Variants in STIM2 observed in about 807,000 individuals in gnomAD.
STIM2 encodes stromal interaction molecule 2.
STIM2 carries 31 observed loss-of-function variants against 85.8 expected under a neutral mutation model. The ratio of observed to expected loss-of-function variants is 0.36; its 90% CI spans 0.27 to 0.49. The LOEUF is 0.49. STIM2 is among the 20% of genes least tolerant of loss of function. The pLI is 0.98. For missense variants in STIM2, 841 were observed against 927.6 expected (o/e 0.91, Z 1.21); for synonymous variants, 356 against 331.1 (o/e 1.08, Z -0.82).
intron 1 of STIM2, among the ~76,000 whole-genome samples, chr4:26,914,483 TCA>T (rs1027158674): frequency 2.0e-5 from 3 of 152,224 alleles, no homozygotes; most frequent in African/African-American, 4.8e-5. Flanking sequence ...CTTAGTTTTG[TCA>T]CCATTGTTTA....
At chr4:26,966,809 A>G (rs1333573500) in intron 3 of STIM2, among the ~76,000 whole-genome samples, 1 of 152,114 alleles carries the variant, frequency 6.6e-6, no homozygotes, top group East Asian at 1.9e-4. Flanking sequence ...TATAATTAAA[A>G]ACCGTTTCAA....
intron 2 of STIM2, among the ~76,000 whole-genome samples, chr4:26,935,177 G>A (rs1253803588): frequency 6.6e-6 from 1 of 152,054 alleles, no homozygotes; most frequent in East Asian, 1.9e-4. Flanking sequence ...GATTTTGGAC[G>A]CCATTGATTA....
Position 26,954,422 on chromosome 4 carries a change from A to G in STIM2, c.283-3190A>G, listed in dbSNP as rs1244124903. Among the ~76,000 whole-genome samples, 17 of 127,104 alleles carry G rather than the reference A, an allele frequency of 1.3e-4. 3 individuals carry two copies. The highest frequency in any genetic ancestry group is 5.0e-5 in the Non-Finnish European group (3 of 59,538). The allele number at this position is 127,104 out of a possible 152,430, so 83.4% of individuals were successfully genotyped here. A position where few individuals can be genotyped will look rare whatever the true frequency, so the allele number is the denominator to read the frequency against. On this transcript the variant is annotated intron_variant, in intron 2 of 11. Transcript: ENST00000467087. ...TGTATTTACCAGGGAACTCTACATT[A>G]TTTGCCGTACATTATTTGAAGACTC...
chr4:27,014,035 T>A (rs1382541521), intron 10 of STIM2, among the ~76,000 whole-genome samples: 1 of 152,008 alleles, frequency 6.6e-6, no homozygotes, highest in African/African-American at 2.4e-5. Flanking sequence ...TTATACTGTT[T>A]TATATGATGT....
At position 27,017,975 on chromosome 4, in the gene STIM2, A is replaced by C. The variant is rs1193166572; in HGVS notation, c.1754A>C (p.Glu585Ala). The C allele has an allele frequency of 1.2e-6, 2 of 1,614,032 alleles. No individual in the cohort carries two copies. Among genetic ancestry groups the C allele is most frequent in the African/African-American group, 2.7e-5 (2 of 74,916 alleles). The change falls in exon 11 of 12, where the codon GAA (glutamate) becomes GCA (alanine). Residue 585 changes from glutamate to alanine, a missense_variant. By Grantham distance (107) the Glu-to-Ala change is moderately radical. Coordinates refer to ENST00000467087, the MANE Select transcript of STIM2 (RefSeq NM_020860.4). The stretch of plus-strand genomic sequence containing the variant: ...GAAGAGGCCATTTACTTCTCTGCTG[A>C]AAAGCAATGGTATTGGCAGTGAATA...
In STIM2 at chr4:27,002,491, T is replaced by TA. The variant is rs1284209996; in HGVS notation, c.803+98dup. 4 of 906,724 alleles carry TA rather than the reference T, an allele frequency of 4.4e-6. No individual in the cohort carries two copies. The African/African-American group carries it at 6.7e-5, about 15-fold the overall frequency. 56.2% of individuals were successfully genotyped at this position (906,724 alleles called of 1,614,324 possible). ...GCTTAAATACTTACATTTAGGTTAT[T>TA]ATACACATCAGGAATAGATGCATAT... On this transcript the variant is annotated intron_variant, in intron 6 of 11. Coordinates refer to ENST00000467087, the MANE Select transcript of STIM2 (RefSeq NM_020860.4).
At chr4:26,885,731 GC>G (rs1479413036) in intron 1 of STIM2, among the ~76,000 whole-genome samples, 1 of 149,328 alleles carries the variant, frequency 6.7e-6, no homozygotes, top group Non-Finnish European at 1.5e-5. Context: ...TGGTTACCAG[GC>G]TATGTAGTTT....
rs535150870 is a variant in STIM2, at chr4:26,918,537, C to A, written c.152-967C>A. On this transcript the variant is annotated intron_variant, in intron 1 of 11. Transcript: ENST00000467087. ...ATGCTAACCACTTTCAACTTTAAGG[C>A]CATACTATTTCTGGAAATATATGTG... 2.6e-5 allele frequency among the ~76,000 whole-genome samples: 4 copies of A among 152,130 alleles called. No homozygotes were observed. The South Asian group carries it at 8.3e-4, about 32-fold the overall frequency.
intron 2 of STIM2, among the ~76,000 whole-genome samples, chr4:26,923,136 G>A (rs983218907): frequency 1.3e-5 from 2 of 150,728 alleles, no homozygotes; most frequent in East Asian, 3.9e-4. Flanking sequence ...CACACGGCAG[G>A]GTATTCCAAC....
chr4:26,873,725 G>T, intron 1 of STIM2: 1 of 876,904 alleles, frequency 1.1e-6, no homozygotes, highest in Non-Finnish European at 1.9e-6. Flanking sequence ...TGGAGATGCT[G>T]AATTTCTGCC....
intron 1 of STIM2, among the ~76,000 whole-genome samples, chr4:26,880,612 T>C (rs958215189): frequency 6.8e-6 from 1 of 146,700 alleles, no homozygotes; most frequent in Non-Finnish European, 1.5e-5. Context: ...TATATATAAA[T>C]ATATATGTAA....
chr4:26,943,000 CTCTT>C (rs1009621128), intron 2 of STIM2, among the ~76,000 whole-genome samples: 4 of 152,166 alleles, frequency 2.6e-5, no homozygotes, highest in African/African-American at 9.6e-5. Context: ...AATCTCTTCT[CTCTT>C]GTCTTTGTTT....
chr4:26,879,624 A>G (rs1722929569), intron 1 of STIM2, among the ~76,000 whole-genome samples: 1 of 152,222 alleles, frequency 6.6e-6, no homozygotes, highest in Non-Finnish European at 1.5e-5. Context: ...AGGAAACCGA[A>G]GGACTATGTA....
chr4:26,901,988 G>A (rs1723940746), intron 1 of STIM2, among the ~76,000 whole-genome samples: 1 of 152,158 alleles, frequency 6.6e-6, no homozygotes, highest in African/African-American at 2.4e-5. Flanking sequence ...GTGAATCAAT[G>A]GCGAAGTGAT....
At chr4:26,871,632 G>A (rs575793274) in intron 1 of STIM2, among the ~76,000 whole-genome samples, 8 of 151,714 alleles carry the variant, frequency 5.3e-5, no homozygotes, top group African/African-American at 1.9e-4. Flanking sequence ...CAAGGATGAC[G>A]GAATGTAATT....
chr4:26,901,906 T>C (rs531349635), intron 1 of STIM2, among the ~76,000 whole-genome samples: 2 of 152,308 alleles, frequency 1.3e-5, no homozygotes, highest in South Asian at 2.1e-4. Context: ...ATAATAGTTA[T>C]GCATAAAATG....
At chr4:26,953,842 T>G (rs1726146863) in intron 2 of STIM2, among the ~76,000 whole-genome samples, 1 of 152,140 alleles carries the variant, frequency 6.6e-6, no homozygotes, top group Admixed American at 6.6e-5. Flanking sequence ...TTTATCACCC[T>G]AAAAGTCCAG....
intron 3 of STIM2, among the ~76,000 whole-genome samples, chr4:26,989,296 A>C (rs1470861318): frequency 6.6e-6 from 1 of 152,188 alleles, no homozygotes; most frequent in African/African-American, 2.4e-5. Flanking sequence ...GTTAAGATGC[A>C]AGGACTGTTC....
At chr4:26,966,577 G>T (rs1726729927) in intron 3 of STIM2, among the ~76,000 whole-genome samples, 1 of 152,040 alleles carries the variant, frequency 6.6e-6, no homozygotes, top group South Asian at 2.1e-4. Context: ...GACTGTAATA[G>T]AAATAATGTA....
Sources: gnomAD v4.1 joint callset for allele counts (sites outside exome capture counted in the v4.1 genomes callset) on GRCh38, gnomAD v4.1.1 for gene constraint, MANE v1.5 for transcripts, NCBI Gene and HGNC (gene_info 2026-07-23, HGNC 2026-07-21) for gene names.